ARNT2: variants seen among roughly 807,000 people sequenced by gnomAD.
ARNT2 encodes the protein ARNT protein 2.
Under a neutral mutation model 91.7 loss-of-function variants are expected in ARNT2, and 36 were observed. That is an observed-to-expected ratio of 0.39 (90% CI 0.30 to 0.52). The LOEUF (loss-of-function observed/expected upper bound fraction) is 0.52, where lower values mean the gene tolerates loss of function less well. Ranked by LOEUF, ARNT2 falls within the 20% of genes least tolerant of loss-of-function variation. The pLI is 0.72. For synonymous variants in ARNT2, 365 were observed against 347.1 expected (o/e 1.05, Z -0.57); for missense variants, 775 against 939.3 (o/e 0.83, Z 2.29).
chr15:80,570,651 C>G lies in ARNT2; in HGVS notation c.1317-3497C>G, dbSNP rs896947136. 7.9e-5 allele frequency among the ~76,000 whole-genome samples: 12 copies of G among 152,256 alleles called. No individual in the cohort carries two copies. The East Asian group carries it at 2.1e-3, about 27-fold the overall frequency. On this transcript the variant is annotated intron_variant, in intron 12 of 18. Transcript: ENST00000303329. ...ACATGCTTTTGGTTTTATCCTTTTC[C>G]TTTTATCTGGGCTCCCACACCGACA...
At chr15:80,558,321 A>T in intron 11 of ARNT2, among the ~76,000 whole-genome samples, 2 of 142,288 alleles carry the variant, frequency 1.4e-5, no homozygotes, top group African/African-American at 5.3e-5. Context: ...GGCAGACTTC[A>T]TTACGTCTGT....
intron 5 of ARNT2, chr15:80,475,504 G>A (rs1566982562): frequency 6.7e-6 from 2 of 298,252 alleles, no homozygotes; most frequent in Non-Finnish European, 1.3e-5. Context: ...AGCTTGCAGT[G>A]AGCCAAGATT....
At chr15:80,414,767 CT>C (rs373485429) in intron 1 of ARNT2, among the ~76,000 whole-genome samples, 19,853 of 105,100 alleles carry the variant, frequency 0.19, 2,066 homozygotes, top group African/African-American at 0.38. Context: ...TTCTCTCTCT[CT>C]TTTTTTTTTT....
chr15:80,502,996 T>G (rs992575095), intron 5 of ARNT2, among the ~76,000 whole-genome samples: 4 of 152,150 alleles, frequency 2.6e-5, no homozygotes, highest in Non-Finnish European at 4.4e-5. Context: ...GGAGCAGGGA[T>G]TCTAGAAGGA....
intron 17 of ARNT2, among the ~76,000 whole-genome samples, chr15:80,583,435 C>T (rs754595492): frequency 2.6e-5 from 4 of 152,302 alleles, no homozygotes; most frequent in South Asian, 2.1e-4. Context: ...ACAGGAAGGA[C>T]GAAGCCCTGG....
At chr15:80,420,070 C>G (rs1307746355) in intron 1 of ARNT2, among the ~76,000 whole-genome samples, 1 of 152,122 alleles carries the variant, frequency 6.6e-6, no homozygotes, top group African/African-American at 2.4e-5. Flanking sequence ...TTGAGCCTCT[C>G]TCCACATTTT....
intron 17 of ARNT2, among the ~76,000 whole-genome samples, chr15:80,589,140 C>A: frequency 6.6e-6 from 1 of 152,046 alleles, no homozygotes; most frequent in East Asian, 1.9e-4. Flanking sequence ...CCAGGAGGCA[C>A]GTGAGAAAGA....
intron 3 of ARNT2, among the ~76,000 whole-genome samples, chr15:80,464,597 C>G (rs1010245046): frequency 3.3e-5 from 5 of 152,174 alleles, no homozygotes; most frequent in Admixed American, 6.5e-5. Flanking sequence ...ATGCCTACCT[C>G]CTTCTCAAGG....
At chr15:80,549,458 C>A (rs948318810) in intron 8 of ARNT2, among the ~76,000 whole-genome samples, 3 of 152,102 alleles carry the variant, frequency 2.0e-5, no homozygotes, top group African/African-American at 7.2e-5. Flanking sequence ...ATAACATATA[C>A]CGCAAGGATT....
chr15:80,453,152 T>C (rs187610207), intron 2 of ARNT2, among the ~76,000 whole-genome samples: 11 of 152,354 alleles, frequency 7.2e-5, no homozygotes, highest in Admixed American at 5.9e-4. Flanking sequence ...TGGAGGCAGA[T>C]GTGGATCCTG....
At chr15:80,448,778 TG>T in intron 1 of ARNT2, among the ~76,000 whole-genome samples, 1 of 152,256 alleles carries the variant, frequency 6.6e-6, no homozygotes, top group South Asian at 2.1e-4. Context: ...GGTCAGGAGA[TG>T]GAGACCATCC....
intron 17 of ARNT2, among the ~76,000 whole-genome samples, chr15:80,587,434 C>T (rs889057558): frequency 2.6e-5 from 4 of 152,088 alleles, no homozygotes; most frequent in Non-Finnish European, 4.4e-5. Context: ...CAAAATCACC[C>T]GATTGGGAAC....
rs923076939 is a variant in ARNT2 at position 80,482,523 on chromosome 15, A to G, written c.622+7300A>G. On this transcript the variant is annotated intron_variant, in intron 5 of 18. Coordinates refer to ENST00000303329, the MANE Select transcript of ARNT2 (RefSeq NM_014862.4). ...ACACCTGAGGCCAAACAGCTGCTAC[A>G]AAGTAGAGCTCGTAGTCAATGCCAA... Among the ~76,000 whole-genome samples the G allele has an allele frequency of 9.1e-4, 139 of 152,340 alleles. 2 individuals carry two copies. Among genetic ancestry groups the G allele is most frequent in the South Asian group, 8.3e-4 (4 of 4,818 alleles).
In ARNT2 at chr15:80,596,877, G is replaced by A. The variant is rs1294570780; in HGVS notation, c.*3179G>A. On this transcript the variant is annotated 3_prime_UTR_variant, in exon 19 of 19. Coordinates refer to ENST00000303329, the MANE Select transcript of ARNT2 (RefSeq NM_014862.4). ...AGGACTGGGTCAGTGATGGCAACAGGATGGCCAAGGATGGCTCTAGAACAC... is the reference window on the plus strand; with the variant it reads ...AGGACTGGGTCAGTGATGGCAACAGAATGGCCAAGGATGGCTCTAGAACAC... The A allele has an allele frequency of 6.1e-6, 2 of 328,294 alleles. No individual in the cohort carries two copies. The highest frequency in any genetic ancestry group is 1.2e-5 in the Non-Finnish European group (2 of 165,696). The allele number at this position is 328,294 out of a possible 1,614,324, so 20.3% of individuals were successfully genotyped here. A position where few individuals can be genotyped will look rare whatever the true frequency, so the allele number is the denominator to read the frequency against.
At chr15:80,583,628 T>G (rs900692246) in intron 17 of ARNT2, among the ~76,000 whole-genome samples, 1 of 152,230 alleles carries the variant, frequency 6.6e-6, no homozygotes, top group Non-Finnish European at 1.5e-5. Context: ...GTGCTCACAA[T>G]AGCCCTAAGA....
intron 5 of ARNT2, chr15:80,488,643 C>G (rs1897011027): frequency 6.6e-6 from 1 of 152,038 alleles, no homozygotes; most frequent in African/African-American, 2.4e-5. Context: ...CAAAAGCTAC[C>G]CTGATGATTC....
chr15:80,551,478 T>C (rs755205677), intron 9 of ARNT2, among the ~76,000 whole-genome samples: 4 of 152,330 alleles, frequency 2.6e-5, no homozygotes, highest in Non-Finnish European at 5.9e-5. Flanking sequence ...CTTACTGAAT[T>C]GAGGGGTTGC....
intron 8 of ARNT2, among the ~76,000 whole-genome samples, chr15:80,541,377 T>C (rs2141449544): frequency 6.6e-6 from 1 of 152,348 alleles, no homozygotes; most frequent in East Asian, 1.9e-4. Context: ...CCTTATAGAT[T>C]CTGGGTCTTA....
Position 80,581,394 on chromosome 15 carries a change from T to C in ARNT2, c.1908T>C (p.Thr636=). The change falls in exon 17 of 19, where the codon ACT becomes ACC. Residue 636 remains threonine (T), a synonymous_variant. Coordinates refer to ENST00000303329, the MANE Select transcript of ARNT2 (RefSeq NM_014862.4). ...CCTACTCCAGTCTTGCCAACAGGAC[T>C]CCAGGGTTCGGTAGGTGGGGAATGA... ...GNAYSSLANR[T]PGFAESGQSS... 2 of 1,614,128 alleles carry C rather than the reference T, an allele frequency of 1.2e-6. No individual in the cohort carries two copies. The highest frequency in any genetic ancestry group is 1.7e-6 in the Non-Finnish European group (2 of 1,180,014).
Sources: gnomAD v4.1 joint callset for allele counts (sites outside exome capture counted in the v4.1 genomes callset) on GRCh38, gnomAD v4.1.1 for gene constraint, MANE v1.5 for transcripts, NCBI Gene and HGNC (gene_info 2026-07-23, HGNC 2026-07-21) for gene names.